Variants in GRID2 observed in about 807,000 individuals in gnomAD.
GRID2 encodes the protein glutamate ionotropic receptor delta type subunit 2.
Under a neutral mutation model 114.8 loss-of-function variants are expected in GRID2, and 33 were observed. The observed-to-expected ratio is 0.29, with a 90% CI of 0.22 to 0.38. The LOEUF is 0.38. Ranked by LOEUF, GRID2 falls within the 10% of genes least tolerant of loss-of-function variation. The pLI, the probability that GRID2 is intolerant of heterozygous loss-of-function variation, is 1.00. For synonymous variants in GRID2, 505 were observed against 449.9 expected, an observed-to-expected ratio of 1.12 and a Z score of -1.55; for missense variants, 1,184 against 1,257.7, an observed-to-expected ratio of 0.94 and a Z score of 0.89.
At chr4:92,680,651 T>G (rs867679309) in intron 2 of GRID2, among the ~76,000 whole-genome samples, 3 of 152,152 alleles carry the variant, frequency 2.0e-5, no homozygotes, top group African/African-American at 7.2e-5. Context: ...TTCGTTGTTA[T>G]TTTAGAACAA....
chr4:92,528,292 A>ATT (rs1725142409), intron 1 of GRID2, among the ~76,000 whole-genome samples: 1 of 145,970 alleles, frequency 6.9e-6, no homozygotes, highest in Non-Finnish European at 1.5e-5. Flanking sequence ...ATATATATAT[A>ATT]TTTTGAGTAT....
chr4:93,009,256 G>A (rs1045011067), intron 2 of GRID2, among the ~76,000 whole-genome samples: 1 of 152,056 alleles, frequency 6.6e-6, no homozygotes, highest in Non-Finnish European at 1.5e-5. Context: ...CACTTGGTTG[G>A]TTCCCCTTGA....
At chr4:92,675,613 C>T (rs1027405773) in intron 2 of GRID2, among the ~76,000 whole-genome samples, 1 of 150,028 alleles carries the variant, frequency 6.7e-6, no homozygotes, top group African/African-American at 2.5e-5. Context: ...TGCAGAGGCA[C>T]GATCTTGGCT....
intron 2 of GRID2, among the ~76,000 whole-genome samples, chr4:92,766,016 T>G (rs1738246955): frequency 2.0e-5 from 3 of 148,362 alleles, no homozygotes; most frequent in Admixed American, 2.0e-4. Context: ...GTGATCCGAT[T>G]TGCATACTGA....
chr4:93,776,019 T>A (rs1734362103), downstream of GRID2, among the ~76,000 whole-genome samples: 1 of 152,220 alleles, frequency 6.6e-6, no homozygotes, highest in Non-Finnish European at 1.5e-5. Context: ...GTTATTACTA[T>A]TTTATAATCA....
chr4:93,315,057 A>G (rs1227257668), intron 8 of GRID2, among the ~76,000 whole-genome samples: 1 of 152,158 alleles, frequency 6.6e-6, no homozygotes, highest in African/African-American at 2.4e-5. Flanking sequence ...GAAACTTACA[A>G]TGATGGCAGA....
At chr4:92,438,418 C>T (rs1420644429) in intron 1 of GRID2, among the ~76,000 whole-genome samples, 1 of 151,824 alleles carries the variant, frequency 6.6e-6, no homozygotes, top group African/African-American at 2.4e-5. Flanking sequence ...TCCCATAATC[C>T]CTGTCCTTTA....
Position 93,226,545 on chromosome 4 carries a change from G to T in GRID2, c.1125+1770G>T, listed in dbSNP as rs187960831. ...CTGAGACAGGGATTGGGCCCGCAAG[G>T]CCTCAGGCAACCCTGCTCCCAGGGC... On this transcript the variant is annotated intron_variant, in intron 7 of 15. Transcript: ENST00000282020. Among the ~76,000 whole-genome samples the T allele has an allele frequency of 4.4e-4, 67 of 152,282 alleles. 3 individuals are homozygous for T. The highest frequency in any genetic ancestry group is 4.4e-3 in the Admixed American group (67 of 15,290).
chr4:93,316,320 GAAAGAAAGAAAGAAAGAAA>G (rs373748175), intron 8 of GRID2, among the ~76,000 whole-genome samples: 25,969 of 92,998 alleles, frequency 0.28, 3,900 homozygotes, highest in East Asian at 0.56. Context: ...AAGAAAGAAA[GAAAGAAAGAAAGAAAGAAA>G]GAAGGAAGGA....
chr4:93,276,328 G>A (rs1752056111), intron 8 of GRID2, among the ~76,000 whole-genome samples: 1 of 151,908 alleles, frequency 6.6e-6, no homozygotes, highest in African/African-American at 2.4e-5. Flanking sequence ...CCTAATACCA[G>A]TCCCCACTAT....
intron 13 of GRID2, among the ~76,000 whole-genome samples, chr4:93,578,950 T>C (rs996638625): frequency 3.3e-5 from 5 of 152,198 alleles, no homozygotes; most frequent in Non-Finnish European, 7.3e-5. Context: ...TATAATTTTA[T>C]ATCTGTATAC....
At chr4:92,577,630 C>T (rs918837052) in intron 1 of GRID2, among the ~76,000 whole-genome samples, 1 of 152,058 alleles carries the variant, frequency 6.6e-6, no homozygotes, top group African/African-American at 2.4e-5. Context: ...CTGGTTGTAA[C>T]AGGACTTGGT....
intron 1 of GRID2, among the ~76,000 whole-genome samples, chr4:92,428,236 T>C (rs990376046): frequency 2.0e-5 from 3 of 152,078 alleles, no homozygotes; most frequent in African/African-American, 7.2e-5. Flanking sequence ...CACTCCAGCC[T>C]GGGCAACAGA....
chr4:93,129,828 C>A (rs944700149), intron 4 of GRID2, among the ~76,000 whole-genome samples: 4 of 152,108 alleles, frequency 2.6e-5, no homozygotes, highest in East Asian at 1.9e-4. Flanking sequence ...TTAGAACTTA[C>A]AACAAATTTG....
chr4:93,304,870 G>C (rs1024233178), intron 8 of GRID2, among the ~76,000 whole-genome samples: 26 of 152,116 alleles, frequency 1.7e-4, no homozygotes, highest in Admixed American at 1.5e-3. Context: ...TTAACAGAGA[G>C]TGCAATTTGA....
rs143632600 is a variant in GRID2, at chr4:93,428,382, G to A, written c.1545+5414G>A. Among the ~76,000 whole-genome samples, 940 of 151,754 alleles carry A rather than the reference G, an allele frequency of 6.2e-3. 8 individuals are homozygous for A. The highest frequency in any genetic ancestry group is 0.022 in the African/African-American group (890 of 41,380). ...GATATCTAAATTATTTTTTTAAAAG[G>A]CTCTATCCATAACATTGTAAGCTGC... On this transcript the variant is annotated intron_variant, in intron 10 of 15. Transcript: ENST00000282020.
intron 6 of GRID2, among the ~76,000 whole-genome samples, chr4:93,218,623 A>G (rs1423083521): frequency 6.6e-6 from 1 of 152,148 alleles, no homozygotes; most frequent in African/African-American, 2.4e-5. Context: ...GTGTGAATAT[A>G]TATGTTTGAA....
intron 1 of GRID2, among the ~76,000 whole-genome samples, chr4:93,786,911 G>T (rs1001347759): frequency 1.3e-5 from 2 of 152,124 alleles, no homozygotes; most frequent in African/African-American, 4.8e-5. Flanking sequence ...TACTCAAAGT[G>T]GTACTAAACA....
intron 2 of GRID2, among the ~76,000 whole-genome samples, chr4:92,790,540 C>A (rs528582080): frequency 7.6e-4 from 116 of 151,730 alleles, no homozygotes; most frequent in African/African-American, 2.3e-3. Flanking sequence ...CTCACCTGTC[C>A]AAGTAGTTGG....
Sources: gnomAD v4.1 joint callset for allele counts (sites outside exome capture counted in the v4.1 genomes callset) on GRCh38, gnomAD v4.1.1 for gene constraint, MANE v1.5 for transcripts, NCBI Gene and HGNC (gene_info 2026-07-23, HGNC 2026-07-21) for gene names.